The following TENM4 variants were observed in gnomAD, a reference collection of about 807,000 sequenced individuals.
TENM4 encodes teneurin-4.
In TENM4, 82 loss-of-function variants were observed where a neutral mutation model predicts 243.3. The ratio of observed to expected loss-of-function variants is 0.34; its 90% CI spans 0.28 to 0.40. The LOEUF (loss-of-function observed/expected upper bound fraction) is 0.40, where lower values mean the gene tolerates loss of function less well. Ranked by LOEUF, TENM4 falls within the 10% of genes least tolerant of loss-of-function variation. The pLI, the probability that TENM4 is intolerant of heterozygous loss-of-function variation, is 1.00. For synonymous variants in TENM4, 1,412 were observed against 1,456.3 expected, an observed-to-expected ratio of 0.97 and a Z score of 0.69; for missense variants, 3,138 against 3,673.3, an observed-to-expected ratio of 0.85 and a Z score of 3.77.
chr11:78,840,322 G>A (rs993448122), intron 12 of TENM4, among the ~76,000 whole-genome samples: 1 of 151,892 alleles, frequency 6.6e-6, no homozygotes, highest in African/African-American at 2.4e-5. Flanking sequence ...CTTGGCCTAT[G>A]ACACAAATGA....
intron 1 of TENM4, among the ~76,000 whole-genome samples, chr11:79,363,804 T>C (rs1324142002): frequency 6.6e-6 from 1 of 152,238 alleles, no homozygotes; most frequent in Admixed American, 6.5e-5. Flanking sequence ...ATTTTATCCA[T>C]CTAATTTTTA....
chr11:79,337,610 G>A (rs967497221), intron 1 of TENM4, among the ~76,000 whole-genome samples: 1 of 152,176 alleles, frequency 6.6e-6, no homozygotes, highest in Non-Finnish European at 1.5e-5. Context: ...GCAAGGTAAA[G>A]CTCTGTGGAC....
intron 4 of TENM4, among the ~76,000 whole-genome samples, chr11:79,138,919 T>TATATTTATATAAATATATAAA (rs1862188252): frequency 1.6e-5 from 1 of 63,916 alleles, no homozygotes; most frequent in African/African-American, 1.1e-4. Context: ...AAATATATAT[T>TATATTTATATAAATATATAAA]ACATTTCCAT....
At chr11:78,741,864 C>T (rs568811315) in intron 19 of TENM4, among the ~76,000 whole-genome samples, 1 of 152,308 alleles carries the variant, frequency 6.6e-6, no homozygotes, top group Middle Eastern at 3.4e-3. Context: ...AAATCACTGT[C>T]ACCGACTTGG....
chr11:78,786,907 A>C lies in TENM4; in HGVS notation c.2356T>G (p.Cys786Gly). 2 of 1,608,718 alleles carry C rather than the reference A, an allele frequency of 1.2e-6. No homozygotes were observed. The highest frequency in any genetic ancestry group is 8.5e-7 in the Non-Finnish European group (1 of 1,178,058). The change falls in exon 16 of 34, where the codon TGC becomes GGC. Residue 786 changes from cysteine to glycine, a missense_variant. Physicochemically the swap from Cys to Gly is radical, Grantham distance 159. Transcript: ENST00000278550. ...CCTCGGCCCGCCATACCGATGGTGC[A>C]GTGTTCGCCATTCCAGCCAGGGCTG... ...ECSPGWNGEHCTIAHYLDRVV... is the reference protein window; with the variant it reads ...ECSPGWNGEHGTIAHYLDRVV...
chr11:79,169,167 T>A (rs1000224582), intron 3 of TENM4, among the ~76,000 whole-genome samples: 16 of 152,244 alleles, frequency 1.1e-4, no homozygotes, highest in Non-Finnish European at 2.1e-4. Context: ...AGCCAAGCTT[T>A]ATCTAGATTA....
intron 9 of TENM4, among the ~76,000 whole-genome samples, chr11:78,879,346 G>A: frequency 6.6e-6 from 1 of 151,950 alleles, no homozygotes; most frequent in African/African-American, 2.4e-5. Context: ...CCTCTGCCCG[G>A]CCGCCCCGTC....
At chr11:79,174,917 C>T (rs775986952) in intron 3 of TENM4, among the ~76,000 whole-genome samples, 7 of 152,268 alleles carry the variant, frequency 4.6e-5, no homozygotes, top group Non-Finnish European at 1.0e-4. Flanking sequence ...TAAAATAATC[C>T]CTTCACTACA....
At chr11:79,301,712 G>A (rs746793492) in intron 1 of TENM4, among the ~76,000 whole-genome samples, 18 of 152,196 alleles carry the variant, frequency 1.2e-4, no homozygotes, top group Non-Finnish European at 2.5e-4. Context: ...GGATCGTGGG[G>A]TGGATTCTCA....
chr11:79,289,967 T>TG lies in TENM4; in HGVS notation c.-265+7520_-265+7521insC, dbSNP rs199763786. ...CTTTTTTCTTTCTTTTTCTTTTTCT[T>TG]TTTTTTTAAGTAGAGATGGGGTTTT... On this transcript the variant is annotated intron_variant, in intron 2 of 33. Coordinates refer to ENST00000278550, the MANE Select transcript of TENM4 (RefSeq NM_001098816.3). Among the ~76,000 whole-genome samples, 423 of 152,014 alleles carry TG rather than the reference T, an allele frequency of 2.8e-3. 3 individuals carry two copies. The highest frequency in any genetic ancestry group is 9.4e-3 in the African/African-American group (391 of 41,458).
intron 6 of TENM4, among the ~76,000 whole-genome samples, chr11:79,043,863 T>C (rs1859596601): frequency 1.3e-5 from 2 of 152,230 alleles, no homozygotes; most frequent in Admixed American, 6.5e-5. Flanking sequence ...ATTTAACCTG[T>C]TGATTCTGCT....
intron 1 of TENM4, among the ~76,000 whole-genome samples, chr11:79,427,749 G>A (rs1349106210): frequency 6.6e-6 from 1 of 152,160 alleles, no homozygotes; most frequent in South Asian, 2.1e-4. Context: ...AATTTTCAAA[G>A]TAATACTTAT....
chr11:79,195,797 C>T (rs1863615745), intron 3 of TENM4, among the ~76,000 whole-genome samples: 2 of 152,000 alleles, frequency 1.3e-5, no homozygotes, highest in Admixed American at 6.5e-5. Flanking sequence ...CTTTGGGGGA[C>T]TGTTGGGAAG....
Position 78,657,212 on chromosome 11 carries a change from C to A in TENM4, c.*846G>T. ...AGATGAACAGGAACATCATGGAGGACCAACCAATCACAGGCATCCTGGGTG... is the reference window on the plus strand; with the variant it reads ...AGATGAACAGGAACATCATGGAGGAACAACCAATCACAGGCATCCTGGGTG... On this transcript the variant is annotated 3_prime_UTR_variant, in exon 34 of 34. Transcript: ENST00000278550. The A allele has an allele frequency of 5.0e-6, 2 of 398,708 alleles. No individual in the cohort carries two copies. The highest frequency in any genetic ancestry group is 7.1e-5 in the East Asian group (2 of 28,062). The allele number at this position is 398,708 out of a possible 1,614,324, so 24.7% of individuals were successfully genotyped here. A position where few individuals can be genotyped will look rare whatever the true frequency, so the allele number is the denominator to read the frequency against.
chr11:79,029,249 G>A (rs1859164934), intron 6 of TENM4, among the ~76,000 whole-genome samples: 1 of 152,086 alleles, frequency 6.6e-6, no homozygotes, highest in African/African-American at 2.4e-5. Flanking sequence ...TGCTCTTAAG[G>A]AGCTCAAAGT....
chr11:79,136,920 G>A (rs1275066232), intron 4 of TENM4, among the ~76,000 whole-genome samples: 2 of 152,138 alleles, frequency 1.3e-5, no homozygotes, highest in East Asian at 3.9e-4. Flanking sequence ...AGCCAACTAG[G>A]TGACAATACT....
chr11:79,302,597 G>C (rs974956916), intron 1 of TENM4, among the ~76,000 whole-genome samples: 1 of 152,144 alleles, frequency 6.6e-6, no homozygotes, highest in Non-Finnish European at 1.5e-5. Flanking sequence ...ATCAATACCT[G>C]TATTTATGAA....
intron 4 of TENM4, among the ~76,000 whole-genome samples, chr11:79,144,057 G>A (rs772861690): frequency 2.0e-5 from 3 of 151,926 alleles, no homozygotes; most frequent in African/African-American, 4.8e-5. Context: ...TTCATCTGAC[G>A]ACGCATTAAT....
chr11:79,138,474 A>C (rs1193946716), intron 4 of TENM4, among the ~76,000 whole-genome samples: 2 of 118,156 alleles, frequency 1.7e-5, no homozygotes, highest in Admixed American at 1.1e-4. Context: ...AATATATTAT[A>C]TACAAATAAT....
Sources: allele counts gnomAD v4.1 joint callset (sites outside exome capture counted in the v4.1 genomes callset), GRCh38; gene constraint gnomAD v4.1.1; transcripts MANE v1.5; gene names NCBI Gene and HGNC (gene_info 2026-07-23, HGNC 2026-07-21).